CALCR: variants seen among roughly 807,000 people sequenced by gnomAD.
CALCR encodes calcitonin receptor.
A neutral mutation model predicts 59.5 loss-of-function variants in CALCR; 47 were observed. That is an observed-to-expected ratio of 0.79 (90% CI 0.63 to 1.01). The LOEUF (loss-of-function observed/expected upper bound fraction) is 1.01. CALCR is among the 50% of genes least tolerant of loss of function. The probability of loss-of-function intolerance (pLI) is 0.00; values close to 1 mark genes in which losing one functional copy is unlikely to be tolerated. For synonymous variants in CALCR, 213 were observed against 211.3 expected (o/e 1.01, Z -0.07); for missense variants, 566 against 597.1 (o/e 0.95, Z 0.54).
At chr7:93,552,856 A>G (rs1309551196) in intron 2 of CALCR, among the ~76,000 whole-genome samples, 1 of 152,140 alleles carries the variant, frequency 6.6e-6, no homozygotes, top group Non-Finnish European at 1.5e-5. Flanking sequence ...CTCCCCGGTA[A>G]AAAGGGGATT....
chr7:93,555,699 A>G (rs10240028), intron 2 of CALCR, among the ~76,000 whole-genome samples: 29,248 of 152,124 alleles, frequency 0.19, 3,480 homozygotes, highest in East Asian at 0.36. Flanking sequence ...TAGATTAAGC[A>G]CAGCACTGAG....
At position 93,457,789 on chromosome 7, in the gene CALCR, T is replaced by C. The variant is rs1351725986; in HGVS notation, c.648+3032A>G. ...TAACTGTAGTGGGCATGTCTGGTTA[T>C]AGGCGGCGATCACTTCGGAATGGCT... On this transcript the variant is annotated intron_variant, in intron 8 of 13. Transcript: ENST00000426151. Among the ~76,000 whole-genome samples the C allele has an allele frequency of 6.6e-5, 10 of 152,302 alleles. No homozygotes were observed. The South Asian group carries it at 1.2e-3, about 19-fold the overall frequency.
rs571139496 is a variant in CALCR at position 93,424,497 on chromosome 7, A to G, written c.*1859T>C. 3 of 152,522 alleles carry G rather than the reference A, an allele frequency of 2.0e-5. No homozygotes were observed. The East Asian group carries it at 5.8e-4, about 29-fold the overall frequency. The allele number at this position is 152,522 out of a possible 1,614,324, so 9.4% of individuals were successfully genotyped here. On this transcript the variant is annotated 3_prime_UTR_variant, in exon 14 of 14. Transcript: ENST00000426151. ...GGAGACGAGATGAATGAATGAAAAG[A>G]TGAATAATATATTTCTTTAGAAAAA...
intron 2 of CALCR, among the ~76,000 whole-genome samples, chr7:93,497,388 T>C (rs373308649): frequency 2.6e-4 from 39 of 151,740 alleles, no homozygotes; most frequent in African/African-American, 9.2e-4. Flanking sequence ...TTACTGTGTT[T>C]TCAGTACCAT....
chr7:93,546,136 C>T (rs1044837314), intron 2 of CALCR, among the ~76,000 whole-genome samples: 12 of 152,108 alleles, frequency 7.9e-5, no homozygotes, highest in African/African-American at 2.9e-4. Flanking sequence ...AGCCCATTAA[C>T]TCTAACAAGG....
intron 2 of CALCR, among the ~76,000 whole-genome samples, chr7:93,508,306 CA>C (rs1801471675): frequency 6.6e-6 from 1 of 152,062 alleles, no homozygotes; most frequent in Non-Finnish European, 1.5e-5. Flanking sequence ...TGAATCAAAG[CA>C]AAAAGTAGTA....
intron 2 of CALCR, among the ~76,000 whole-genome samples, chr7:93,495,050 G>A (rs947367242): frequency 6.6e-6 from 1 of 151,324 alleles, no homozygotes; most frequent in Non-Finnish European, 1.5e-5. Flanking sequence ...ATATTGTTAT[G>A]TTCACAGTTC....
intron 2 of CALCR, among the ~76,000 whole-genome samples, chr7:93,565,002 T>C (rs937032547): frequency 1.6e-4 from 25 of 152,256 alleles, no homozygotes; most frequent in African/African-American, 5.3e-4. Flanking sequence ...GGAGGGGACA[T>C]GAGAGACAAG....
intron 2 of CALCR, among the ~76,000 whole-genome samples, chr7:93,557,802 TTATCA>T (rs373703820): frequency 2.6e-4 from 40 of 152,126 alleles, no homozygotes; most frequent in African/African-American, 9.6e-4. Flanking sequence ...AATGCCAATG[TTATCA>T]TATACTAAAT....
chr7:93,468,430 A>G (rs569899965), intron 7 of CALCR, among the ~76,000 whole-genome samples: 1 of 151,928 alleles, frequency 6.6e-6, no homozygotes, highest in South Asian at 2.1e-4. Flanking sequence ...AACCTTTACC[A>G]TATTACAACA....
intron 8 of CALCR, among the ~76,000 whole-genome samples, chr7:93,447,778 C>A (rs901298704): frequency 1.3e-4 from 19 of 151,850 alleles, no homozygotes; most frequent in Non-Finnish European, 1.5e-4. Context: ...GCCTGACATG[C>A]CATACGGTTT....
At chr7:93,568,510 TC>T (rs1789920289) in intron 2 of CALCR, among the ~76,000 whole-genome samples, 4 of 7,840 alleles carry the variant, frequency 5.1e-4, no homozygotes, top group Non-Finnish European at 1.1e-3. Context: ...AAAATTACTT[TC>T]TCTCTCTCTC....
chr7:93,532,076 G>C (rs892499801), intron 2 of CALCR, among the ~76,000 whole-genome samples: 4 of 151,972 alleles, frequency 2.6e-5, no homozygotes, highest in Admixed American at 2.6e-4. Context: ...ATACCCTAAA[G>C]TACTATCTAT....
chr7:93,518,370 G>A (rs1329589529), intron 2 of CALCR, among the ~76,000 whole-genome samples: 5 of 151,604 alleles, frequency 3.3e-5, no homozygotes, highest in Non-Finnish European at 5.9e-5. Context: ...AAACACAAAT[G>A]ACCTATTCAA....
intron 2 of CALCR, among the ~76,000 whole-genome samples, chr7:93,502,046 C>G (rs1268326210): frequency 1.3e-5 from 2 of 152,060 alleles, no homozygotes; most frequent in Non-Finnish European, 2.9e-5. Flanking sequence ...TGTCTGTTAT[C>G]CTTCTTGGCT....
intron 2 of CALCR, among the ~76,000 whole-genome samples, chr7:93,511,936 A>C (rs1490539733): frequency 6.6e-6 from 1 of 152,198 alleles, no homozygotes; most frequent in Non-Finnish European, 1.5e-5. Context: ...TGGGCATATA[A>C]GTAAATGTAG....
chr7:93,428,117 C>A (rs957794036), intron 13 of CALCR, among the ~76,000 whole-genome samples: 2 of 152,072 alleles, frequency 1.3e-5, no homozygotes, highest in African/African-American at 4.8e-5. Flanking sequence ...ATAAGGTGGA[C>A]CATGCAGCTG....
At chr7:93,454,016 A>C (rs187723262) in intron 8 of CALCR, among the ~76,000 whole-genome samples, 103 of 152,114 alleles carry the variant, frequency 6.8e-4, no homozygotes, top group South Asian at 1.5e-3. Context: ...TGCATCATAC[A>C]CTTTCGTTCC....
chr7:93,436,125 TG>T lies in CALCR; in HGVS notation c.975del (p.Met327Ter), dbSNP rs772892037. On this transcript the variant is annotated frameshift_variant, in exon 12 of 14. Transcript: ENST00000426151. LOFTEE classifies it high-confidence loss of function. ...TCCGCCTCATGGGTTTCCCTCATTT[TG>T]GTCACAAGCACCCGGACAATGTTGA... ...FLLNIVRVLV[T>X]KMRETHEAES... 6.2e-7 allele frequency: 1 copy of T among 1,614,198 alleles called. No individual in the cohort carries two copies. The highest frequency in any genetic ancestry group is 8.5e-7 in the Non-Finnish European group (1 of 1,180,014).
Sources: gnomAD v4.1 joint callset for allele counts (sites outside exome capture counted in the v4.1 genomes callset) on GRCh38, gnomAD v4.1.1 for gene constraint, MANE v1.5 for transcripts, NCBI Gene and HGNC (gene_info 2026-07-23, HGNC 2026-07-21) for gene names.